ZPBP: variants seen among roughly 807,000 people sequenced by gnomAD.
ZPBP encodes zona pellucida-binding protein 1.
In ZPBP, 26 loss-of-function variants were observed where a neutral mutation model predicts 44.8. That is an observed-to-expected ratio of 0.58 (90% CI 0.43 to 0.81). The LOEUF (loss-of-function observed/expected upper bound fraction) is 0.81. ZPBP is among the 30% of genes least tolerant of loss of function. The pLI, the probability that ZPBP is intolerant of heterozygous loss-of-function variation, is 0.00. For missense variants in ZPBP, 409 were observed against 434.0 expected, an observed-to-expected ratio of 0.94 and a Z score of 0.51; for synonymous variants, 174 against 153.2, an observed-to-expected ratio of 1.14 and a Z score of -1.00.
At chr7:49,985,645 A>G (rs2128783718) in intron 6 of ZPBP, among the ~76,000 whole-genome samples, 1 of 138,718 alleles carries the variant, frequency 7.2e-6, no homozygotes, top group Admixed American at 7.2e-5. Flanking sequence ...CCCATGCAAA[A>G]AAAAAAAAAA....
chr7:49,973,332 G>GA lies in ZPBP; in HGVS notation c.961+10009dup, dbSNP rs201631193. ...GGTAACAAAACCATAGGCAACAAAA[G>GA]AAAAAAAAATGGACTTAACAAAAAT... On this transcript the variant is annotated intron_variant, in intron 7 of 7. Coordinates refer to ENST00000046087, the MANE Select transcript of ZPBP (RefSeq NM_007009.3). Among the ~76,000 whole-genome samples, 139 of 148,152 alleles carry GA rather than the reference G, an allele frequency of 9.4e-4. 1 individual carries two copies. Among genetic ancestry groups the GA allele is most frequent in the African/African-American group, 3.0e-3 (123 of 40,510 alleles).
intron 2 of ZPBP, among the ~76,000 whole-genome samples, chr7:49,888,635 G>A (rs569246779): frequency 1.3e-5 from 2 of 152,152 alleles, no homozygotes; most frequent in South Asian, 4.1e-4. Flanking sequence ...CTTTTGCCAG[G>A]CGCGGTGGCT....
At chr7:50,078,484 G>C (rs1802209547) in intron 3 of ZPBP, among the ~76,000 whole-genome samples, 1 of 151,282 alleles carries the variant, frequency 6.6e-6, no homozygotes. Context: ...TTAACTGCCT[G>C]TATCAAAACA....
chr7:49,952,293 T>C (rs143083377), intron 7 of ZPBP, among the ~76,000 whole-genome samples: 14 of 151,958 alleles, frequency 9.2e-5, no homozygotes, highest in South Asian at 2.1e-4. Flanking sequence ...GTGTGACACA[T>C]GTTTATTTGA....
chr7:49,903,500 T>C (rs551723325), intron 1 of ZPBP, among the ~76,000 whole-genome samples: 3 of 152,300 alleles, frequency 2.0e-5, no homozygotes, highest in South Asian at 4.1e-4. Context: ...CCACTTTTGA[T>C]ACTATATGAT....
intron 4 of ZPBP, among the ~76,000 whole-genome samples, chr7:50,033,678 G>GTTTGTTTATTTATTTA (rs143206693): frequency 0.052 from 7,802 of 148,776 alleles, 287 homozygotes; most frequent in East Asian, 0.13. Context: ...TCTTTCTACA[G>GTTTGTTTATTTATTTA]TTTATTTATT....
rs999452543 is a variant in ZPBP at position 49,940,670 on chromosome 7, G to C, written c.962-3048C>G. 3 of 698,084 alleles carry C rather than the reference G, an allele frequency of 4.3e-6. No homozygotes were observed. The African/African-American group carries it at 5.9e-5, about 14-fold the overall frequency. 43.2% of individuals were successfully genotyped at this position (698,084 alleles called of 1,614,324 possible). ...TTCTGAATCCAAAAAAAAAAAAGCT[G>C]TGTTTGAAATGATTAAAAAAAAAAA... is the stretch of plus-strand genomic sequence containing the variant. On this transcript the variant is annotated intron_variant, in intron 7 of 7. Coordinates refer to ENST00000046087, the MANE Select transcript of ZPBP (RefSeq NM_007009.3).
downstream of ZPBP, chr7:49,936,007 T>C (rs1044182480): frequency 2.0e-5 from 3 of 152,118 alleles, no homozygotes; most frequent in Non-Finnish European, 2.9e-5. Flanking sequence ...ATTTTAAATA[T>C]AGGAAAAAAG....
At chr7:49,933,737 C>T (rs1300076418), downstream of ZPBP, among the ~76,000 whole-genome samples, 2 of 151,986 alleles carry the variant, frequency 1.3e-5, no homozygotes, top group Admixed American at 6.6e-5. Context: ...AAAGGATGAG[C>T]TCATGTCCTT....
chr7:49,943,052 A>T (rs1794955032), intron 7 of ZPBP: 1 of 330,412 alleles, frequency 3.0e-6, no homozygotes, highest in Non-Finnish European at 5.9e-6. Context: ...TCCATTAAGC[A>T]GCTTGACAAA....
intron 7 of ZPBP, among the ~76,000 whole-genome samples, chr7:49,959,264 C>CT: frequency 5.3e-5 from 1 of 18,900 alleles, no homozygotes; most frequent in South Asian, 3.6e-3. Context: ...ATAAAGCAAG[C>CT]CAAAAAAAAA....
intron 7 of ZPBP, among the ~76,000 whole-genome samples, chr7:49,974,986 T>G (rs145860276): frequency 2.0e-5 from 3 of 152,122 alleles, no homozygotes; most frequent in African/African-American, 7.2e-5. Context: ...GGGACCCACT[T>G]TGCTTTTATC....
chr7:49,940,284 G>GA (rs1214933283), intron 7 of ZPBP, among the ~76,000 whole-genome samples: 2 of 151,698 alleles, frequency 1.3e-5, no homozygotes, highest in Admixed American at 1.3e-4. Flanking sequence ...ATAAAATTCG[G>GA]AAAAAAATTG....
chr7:50,052,915 T>C (rs976274373), intron 4 of ZPBP, among the ~76,000 whole-genome samples: 1 of 152,186 alleles, frequency 6.6e-6, no homozygotes, highest in East Asian at 1.9e-4. Flanking sequence ...AGATTGGTGG[T>C]TGCCAGTAAT....
chr7:49,854,585 T>C (rs13312242), intron 2 of ZPBP, among the ~76,000 whole-genome samples: 20,578 of 152,238 alleles, frequency 0.14, 1,525 homozygotes, highest in South Asian at 0.23. Context: ...GTAAATTTGT[T>C]TGAGTTCTTT....
intron 2 of ZPBP, among the ~76,000 whole-genome samples, chr7:49,864,681 G>T (rs769320555): frequency 7.9e-5 from 12 of 152,202 alleles, no homozygotes; most frequent in Admixed American, 3.3e-4. Context: ...TGCATCTTCT[G>T]TTGGTCTTTC....
chr7:49,858,729 TAAGA>T (rs926766821), intron 2 of ZPBP, among the ~76,000 whole-genome samples: 11 of 152,110 alleles, frequency 7.2e-5, no homozygotes, highest in African/African-American at 9.7e-5. Flanking sequence ...AAGCTATACA[TAAGA>T]AAGAGAACAC....
intron 7 of ZPBP, among the ~76,000 whole-genome samples, chr7:49,955,611 A>G (rs1372609658): frequency 6.6e-6 from 1 of 152,110 alleles, no homozygotes; most frequent in Non-Finnish European, 1.5e-5. Flanking sequence ...GAAAGGAAAG[A>G]CTTCAGAAAC....
intron 3 of ZPBP, among the ~76,000 whole-genome samples, chr7:50,059,916 C>T (rs144169007): frequency 9.2e-5 from 14 of 151,976 alleles, no homozygotes; most frequent in African/African-American, 3.4e-4. Flanking sequence ...GCATCTCCCA[C>T]CAAGAGATAA....
Sources: allele counts gnomAD v4.1 joint callset (sites outside exome capture counted in the v4.1 genomes callset), GRCh38; gene constraint gnomAD v4.1.1; transcripts MANE v1.5; gene names NCBI Gene and HGNC (gene_info 2026-07-23, HGNC 2026-07-21).